NEURL1: variants seen among roughly 807,000 people sequenced by gnomAD.
NEURL1 encodes E3 ubiquitin-protein ligase NEURL1.
In NEURL1, 26 loss-of-function variants were observed where a neutral mutation model predicts 41.2. That is an observed-to-expected ratio of 0.63 (90% CI 0.46 to 0.87). NEURL1 has a LOEUF of 0.87. Ranked by LOEUF, NEURL1 falls within the 40% of genes least tolerant of loss-of-function variation. NEURL1 has a pLI of 0.00. For missense variants in NEURL1, 761 were observed against 871.1 expected (o/e 0.87, Z 1.59); for synonymous variants, 400 against 402.3 (o/e 0.99, Z 0.07).
Position 103,591,337 on chromosome 10 carries a change from C to T in NEURL1, c.*965C>T, listed in dbSNP as rs2036041229. The T allele has an allele frequency of 6.6e-6, 1 of 152,592 alleles. No individual in the cohort carries two copies. Among genetic ancestry groups the T allele is most frequent in the African/African-American group, 2.4e-5 (1 of 41,426 alleles). The allele number at this position is 152,592 out of a possible 1,614,324, so 9.5% of individuals were successfully genotyped here. ...TGGCACACCTGGGATGGGCCAGGGC[C>T]CTGGGTGGGGAGGTGTGGGTTCCCT... On this transcript the variant is annotated 3_prime_UTR_variant, in exon 6 of 6. Transcript: ENST00000369780.
At chr10:103,528,449 C>T (rs777479978) in intron 1 of NEURL1, among the ~76,000 whole-genome samples, 1 of 151,284 alleles carries the variant, frequency 6.6e-6, no homozygotes, top group Non-Finnish European at 1.5e-5. Context: ...ACAGGAGAAT[C>T]GCTTGAACCC....
intron 1 of NEURL1, among the ~76,000 whole-genome samples, chr10:103,514,501 C>T (rs1212724599): frequency 1.3e-5 from 2 of 152,122 alleles, no homozygotes; most frequent in African/African-American, 2.4e-5. Context: ...GGGCCATCTG[C>T]CCCTGGGCTT....
At chr10:103,517,088 G>A (rs1204707805) in intron 1 of NEURL1, among the ~76,000 whole-genome samples, 3 of 145,646 alleles carry the variant, frequency 2.1e-5, no homozygotes, top group Admixed American at 6.9e-5. Flanking sequence ...GTACAGTGGC[G>A]TGATCTCGTC....
At position 103,559,963 on chromosome 10, in the gene NEURL1, CAT is replaced by C. The variant is rs986206699; in HGVS notation, c.86-10903_86-10902del. On this transcript the variant is annotated intron_variant, in intron 1 of 5. Transcript: ENST00000369780. Reference sequence around the variant, plus strand: ...ATGCACACACACGTACATGCACGCACATATATACACATATGCACATGCACACA... The same window carrying C: ...ATGCACACACACGTACATGCACGCACATATACACATATGCACATGCACACA... Among the ~76,000 whole-genome samples, 7 of 151,686 alleles carry C rather than the reference CAT, an allele frequency of 4.6e-5. No homozygotes were observed. The East Asian group carries it at 1.2e-3, about 25-fold the overall frequency.
chr10:103,502,350 A>G (rs2033844484), intron 1 of NEURL1, among the ~76,000 whole-genome samples: 1 of 152,150 alleles, frequency 6.6e-6, no homozygotes, highest in Non-Finnish European at 1.5e-5. Context: ...GGAGGCTGGA[A>G]GTCTGAGATC....
intron 1 of NEURL1, among the ~76,000 whole-genome samples, chr10:103,509,974 G>A (rs2034033395): frequency 6.6e-6 from 1 of 152,124 alleles, no homozygotes; most frequent in Non-Finnish European, 1.5e-5. Context: ...CAGTATTCTG[G>A]AATTGGGTTG....
intron 1 of NEURL1, among the ~76,000 whole-genome samples, chr10:103,503,664 C>T (rs1018696500): frequency 6.6e-6 from 1 of 152,122 alleles, no homozygotes; most frequent in African/African-American, 2.4e-5. Flanking sequence ...GAGTGCTCAC[C>T]ACTTCCAGCT....
intron 1 of NEURL1, among the ~76,000 whole-genome samples, chr10:103,526,041 A>G (rs1408024860): frequency 1.3e-5 from 2 of 152,058 alleles, no homozygotes; most frequent in Non-Finnish European, 2.9e-5. Flanking sequence ...GATGTGATAT[A>G]TTGTGTTTAT....
chr10:103,578,839 C>T (rs1432664963), intron 3 of NEURL1, among the ~76,000 whole-genome samples: 1 of 152,182 alleles, frequency 6.6e-6, no homozygotes, highest in African/African-American at 2.4e-5. Flanking sequence ...CCGCACTTCC[C>T]GGCTCCCTCC....
intron 1 of NEURL1, among the ~76,000 whole-genome samples, chr10:103,528,781 A>G (rs2034514035): frequency 6.6e-6 from 1 of 152,208 alleles, no homozygotes; most frequent in South Asian, 2.1e-4. Context: ...AGTCACAGGT[A>G]TTTGACTGTG....
chr10:103,503,637 T>A (rs1454092388), intron 1 of NEURL1, among the ~76,000 whole-genome samples: 3 of 151,956 alleles, frequency 2.0e-5, no homozygotes, highest in Non-Finnish European at 4.4e-5. Flanking sequence ...GCCGATACGG[T>A]GAGAAATGCA....
At chr10:103,574,406 G>A (rs1439246305) in intron 3 of NEURL1, among the ~76,000 whole-genome samples, 2 of 152,202 alleles carry the variant, frequency 1.3e-5, no homozygotes, top group Non-Finnish European at 2.9e-5. Flanking sequence ...CATTTGGCAG[G>A]GAGATAACTG....
At chr10:103,498,431 T>G (rs1260202330) in intron 1 of NEURL1, among the ~76,000 whole-genome samples, 1 of 152,106 alleles carries the variant, frequency 6.6e-6, no homozygotes, top group Non-Finnish European at 1.5e-5. Context: ...TTTCACCGTG[T>G]TAGCCAGGAT....
chr10:103,559,966 A>G (rs1279637855), intron 1 of NEURL1, among the ~76,000 whole-genome samples: 1 of 151,550 alleles, frequency 6.6e-6, no homozygotes, highest in Non-Finnish European at 1.5e-5. Context: ...GCACGCACAT[A>G]TATACACATA....
rs1048310219 is a variant in NEURL1 at position 103,590,676 on chromosome 10, TA to T, written c.*306del. The T allele has an allele frequency of 2.1e-5, 9 of 431,932 alleles. No individual in the cohort carries two copies. Among genetic ancestry groups the T allele is most frequent in the Non-Finnish European group, 3.4e-5 (8 of 236,518 alleles). The allele number at this position is 431,932 out of a possible 1,614,324, so 26.8% of individuals were successfully genotyped here. On this transcript the variant is annotated 3_prime_UTR_variant, in exon 6 of 6. Coordinates refer to ENST00000369780, the MANE Select transcript of NEURL1 (RefSeq NM_004210.5). ...GCTAAATTGGGATCTCAGCCTGCCC[TA>T]ATCTTTCCCCATCTGAGGCAGGTTT...
chr10:103,555,758 G>C (rs993870535), intron 1 of NEURL1, among the ~76,000 whole-genome samples: 1 of 152,196 alleles, frequency 6.6e-6, no homozygotes, highest in Non-Finnish European at 1.5e-5. Flanking sequence ...TAGTCCCCAA[G>C]TGGGATGCGA....
intron 1 of NEURL1, among the ~76,000 whole-genome samples, chr10:103,527,506 GCTGGT>G (rs2034485609): frequency 6.6e-6 from 1 of 151,962 alleles, no homozygotes; most frequent in South Asian, 2.1e-4. Context: ...TGTTGGCCAG[GCTGGT>G]CTTGAACTCC....
At position 103,571,757 on chromosome 10, in the gene NEURL1, G is replaced by T. The variant is rs780861999; in HGVS notation, c.584G>T (p.Arg195Leu). ...SAVMLFFSGVRTADPLWALVD... is the reference protein window; with the variant it reads ...SAVMLFFSGVLTADPLWALVD... Reference sequence around the variant, plus strand: ...GTTATGCTGTTCTTCAGCGGGGTCCGCACGGCCGACCCGCTCTGGGCCCTG... The same window carrying T: ...GTTATGCTGTTCTTCAGCGGGGTCCTCACGGCCGACCCGCTCTGGGCCCTG... Residue 195 changes from arginine (R) to leucine (L), a missense_variant, in exon 3 of 6, where the codon CGC becomes CTC. This residue lies in a region of NEURL1 where 114 missense variants were observed against 144.8 expected (regional missense o/e 0.79). Coordinates refer to ENST00000369780, the MANE Select transcript of NEURL1 (RefSeq NM_004210.5). 1.9e-6 allele frequency: 3 copies of T among 1,613,974 alleles called. No homozygotes were observed. Among genetic ancestry groups the T allele is most frequent in the Admixed American group, 3.3e-5 (2 of 60,026 alleles).
At chr10:103,547,736 G>GGGAT (rs2034952573) in intron 1 of NEURL1, among the ~76,000 whole-genome samples, 1 of 152,136 alleles carries the variant, frequency 6.6e-6, no homozygotes, top group Non-Finnish European at 1.5e-5. Context: ...GGTGAAGGGA[G>GGGAT]GGATGGATTG....
Sources: allele counts gnomAD v4.1 joint callset (sites outside exome capture counted in the v4.1 genomes callset), GRCh38; gene constraint gnomAD v4.1.1; regional missense constraint gnomAD v4.1.1; transcripts MANE v1.5; gene names NCBI Gene and HGNC (gene_info 2026-07-23, HGNC 2026-07-21).